The following SVIL variants were observed in gnomAD, a reference collection of about 807,000 sequenced individuals.
The protein encoded by SVIL is supervillin, also known as archvillin.
Under a neutral mutation model 240.4 loss-of-function variants are expected in SVIL, and 101 were observed. That is an observed-to-expected ratio of 0.42 (90% CI 0.36 to 0.50). The LOEUF (loss-of-function observed/expected upper bound fraction) is 0.50, where lower values mean the gene tolerates loss of function less well. SVIL is among the 20% of genes least tolerant of loss of function. The pLI, the probability that SVIL is intolerant of heterozygous loss-of-function variation, is 0.01. For missense variants in SVIL, 2,512 were observed against 2,818.7 expected (o/e 0.89, Z 2.46); for synonymous variants, 999 against 1,100.0 (o/e 0.91, Z 1.82).
At chr10:29,593,792 T>C (rs1256794919) in intron 1 of SVIL, among the ~76,000 whole-genome samples, 1 of 152,238 alleles carries the variant, frequency 6.6e-6, no homozygotes, top group East Asian at 1.9e-4. Flanking sequence ...TGTCATTAAA[T>C]GGACTGCGCC....
chr10:29,465,976 TAAAAA>T (rs1360515698), intron 33 of SVIL, among the ~76,000 whole-genome samples: 2 of 151,608 alleles, frequency 1.3e-5, no homozygotes, highest in East Asian at 1.9e-4. Flanking sequence ...AATGCAAAAT[TAAAAA>T]GAAAAGAAAA....
chr10:29,622,718 C>T (rs559842080), intron 1 of SVIL, among the ~76,000 whole-genome samples: 10 of 152,222 alleles, frequency 6.6e-5, no homozygotes, highest in African/African-American at 1.9e-4. Context: ...GACCTTAAAC[C>T]GAAACACAAA....
Position 29,673,597 on chromosome 10 carries a change from G to A in SVIL, c.-301+12956C>T, listed in dbSNP as rs1447911324. On this transcript the variant is annotated intron_variant, in intron 2 of 35. Coordinates refer to the SVIL transcript ENST00000375400. The stretch of plus-strand genomic sequence containing the variant: ...ATTAGGGGGGAGAGAGAGAGAGAGA[G>A]AGAGAGAGCTAGGGGGGAACTGCCA... 2.7e-5 allele frequency among the ~76,000 whole-genome samples: 4 copies of A among 147,732 alleles called. No homozygotes were observed. In the East Asian group the frequency reaches 8.4e-4, roughly 31 times the overall value.
At chr10:29,557,239 G>A (rs1169147641) in intron 3 of SVIL, among the ~76,000 whole-genome samples, 2 of 152,076 alleles carry the variant, frequency 1.3e-5, no homozygotes, top group African/African-American at 2.4e-5. Flanking sequence ...GAGATTACAG[G>A]CATGTGCCAC....
intron 1 of SVIL, among the ~76,000 whole-genome samples, chr10:29,633,933 G>C (rs1243652199): frequency 6.6e-6 from 1 of 152,042 alleles, no homozygotes; most frequent in African/African-American, 2.4e-5. Flanking sequence ...AGAGTACCAA[G>C]GCAAAGAACC....
rs958114977 is a variant in SVIL, at chr10:29,648,514, G to A, written c.-201+9455C>T. On this transcript the variant is annotated intron_variant, in intron 3 of 35. Transcript: ENST00000375400. The stretch of plus-strand genomic sequence containing the variant: ...TCTCTGAAAACAATTAGAAGACAGT[G>A]GAAACTGACCTTGCCCGACCCTCAT... Among the ~76,000 whole-genome samples, 8 of 152,302 alleles carry A rather than the reference G, an allele frequency of 5.3e-5. No homozygotes were observed. In the East Asian group the frequency reaches 1.5e-3, roughly 29 times the overall value.
chr10:29,568,470 T>A (rs1955170968), intron 2 of SVIL, among the ~76,000 whole-genome samples: 1 of 152,120 alleles, frequency 6.6e-6, no homozygotes. Context: ...GTCCTTCCGC[T>A]ATAATGAAGC....
chr10:29,705,493 T>A (rs1042253471), intron 1 of SVIL, among the ~76,000 whole-genome samples: 19 of 151,996 alleles, frequency 1.3e-4, no homozygotes, highest in Non-Finnish European at 2.4e-4. Context: ...TTTTTTTTTT[T>A]AAGTTCGGGA....
chr10:29,732,637 A>G (rs1564371955), intron 1 of SVIL, among the ~76,000 whole-genome samples: 1 of 152,206 alleles, frequency 6.6e-6, no homozygotes, highest in Non-Finnish European at 1.5e-5. Context: ...TTGAAATGTT[A>G]TGTCTCAAAC....
At chr10:29,608,002 G>A (rs528895503) in intron 1 of SVIL, among the ~76,000 whole-genome samples, 62 of 152,344 alleles carry the variant, frequency 4.1e-4, no homozygotes, top group African/African-American at 1.4e-3. Context: ...CTGCAAGACA[G>A]GCATCTATCC....
chr10:29,616,806 T>C (rs1208894066), intron 1 of SVIL, among the ~76,000 whole-genome samples: 1 of 152,324 alleles, frequency 6.6e-6, no homozygotes, highest in East Asian at 1.9e-4. Context: ...CACTGCAACC[T>C]CTGCCTCCCA....
At chr10:29,632,985 G>A (rs1318245098) in intron 1 of SVIL, among the ~76,000 whole-genome samples, 1 of 152,180 alleles carries the variant, frequency 6.6e-6, no homozygotes, top group East Asian at 1.9e-4. Context: ...TATAATCCCA[G>A]CACTTTGGGA....
chr10:29,535,363 G>C (rs1309303723), intron 7 of SVIL, among the ~76,000 whole-genome samples: 1 of 152,196 alleles, frequency 6.6e-6, no homozygotes, highest in Non-Finnish European at 1.5e-5. Flanking sequence ...GAGACAATCT[G>C]AATGTTGTCC....
chr10:29,466,343 A>G (rs958426843), intron 33 of SVIL, among the ~76,000 whole-genome samples: 3 of 152,134 alleles, frequency 2.0e-5, no homozygotes, highest in South Asian at 2.1e-4. Context: ...ATGCTTAGCT[A>G]TCTGTCTCCT....
chr10:29,718,325 C>CA (rs59660864), intron 1 of SVIL, among the ~76,000 whole-genome samples: 302 of 133,538 alleles, frequency 2.3e-3, no homozygotes, highest in Non-Finnish European at 3.0e-3. Flanking sequence ...GACTCCGTCT[C>CA]AAAAAAAAAA....
chr10:29,602,372 C>G (rs1162375155), intron 1 of SVIL: 1 of 499,748 alleles, frequency 2.0e-6, no homozygotes, highest in East Asian at 5.7e-5. Context: ...GCTTAACCTG[C>G]CTTGTCTCAC....
chr10:29,720,964 G>A (rs146302235), intron 1 of SVIL, among the ~76,000 whole-genome samples: 2,266 of 151,988 alleles, frequency 0.015, 51 homozygotes, highest in African/African-American at 0.05. Context: ...CTCATGCCTC[G>A]GCCTCCTGAG....
chr10:29,618,757 T>C (rs1315044078), intron 1 of SVIL, among the ~76,000 whole-genome samples: 1 of 151,848 alleles, frequency 6.6e-6, no homozygotes, highest in Non-Finnish European at 1.5e-5. Context: ...TGTCGCTTTG[T>C]CATCCAGGCT....
In SVIL at chr10:29,519,781, A is replaced by G. The variant is rs189177719; in HGVS notation, c.3389+2629T>C. Among the ~76,000 whole-genome samples the G allele has an allele frequency of 5.8e-3, 885 of 152,342 alleles. 9 individuals carry two copies. Among genetic ancestry groups the G allele is most frequent in the Non-Finnish European group, 6.2e-3 (420 of 68,032 alleles). On this transcript the variant is annotated intron_variant, in intron 16 of 37. Coordinates refer to ENST00000355867, the MANE Select transcript of SVIL (RefSeq NM_021738.3). The stretch of plus-strand genomic sequence containing the variant: ...GAATATCAATCAAGCATTCCTTTCT[A>G]TCATGATTCTGAACAGACTGGGCTC...
Sources: allele counts gnomAD v4.1 joint callset (sites outside exome capture counted in the v4.1 genomes callset), GRCh38; gene constraint gnomAD v4.1.1; transcripts MANE v1.5; gene names NCBI Gene and HGNC (gene_info 2026-07-23, HGNC 2026-07-21).